CLHC1: variants seen among roughly 807,000 people sequenced by gnomAD.
CLHC1 encodes clathrin heavy chain linker domain containing 1, also known as clathrin heavy chain linker domain-containing protein 1.
In CLHC1, 72 loss-of-function variants were observed where a neutral mutation model predicts 69.5. The ratio of observed to expected loss-of-function variants is 1.04; its 90% CI spans 0.86 to 1.26. The LOEUF (loss-of-function observed/expected upper bound fraction) is 1.26. Ranked by LOEUF, CLHC1 falls within the 50% of genes most tolerant of loss-of-function variation. The pLI is 0.00. For missense variants in CLHC1, 790 were observed against 679.3 expected (o/e 1.16, Z -1.81); for synonymous variants, 223 against 224.3 (o/e 0.99, Z 0.05).
Position 55,222,252 on chromosome 2 carries a change from G to A in CLHC1, c.160C>T (p.Arg54Ter), listed in dbSNP as rs149934154. The A allele has an allele frequency of 8.7e-6, 14 of 1,611,572 alleles. No individual in the cohort carries two copies. Among genetic ancestry groups the A allele is most frequent in the Non-Finnish European group, 1.1e-5 (13 of 1,178,490 alleles). ...TATGATACCTTATCAAAAACATTTC[G>A]GTATATGATGTAATATTCATCAGCA... ...GPADEYYIIY[R>*]NVFDKVIEHI... Residue 54 changes from arginine to a stop codon, truncating the protein, a stop_gained, in exon 3 of 13, where the codon CGA (arginine) becomes TGA (stop). Transcript: ENST00000401408. LOFTEE classifies it high-confidence loss of function.
intron 9 of CLHC1, among the ~76,000 whole-genome samples, chr2:55,199,565 A>C (rs1671745108): frequency 6.6e-6 from 1 of 152,146 alleles, no homozygotes; most frequent in Non-Finnish European, 1.5e-5. Context: ...TAGAAACAAC[A>C]AAAAATTAAA....
intron 2 of CLHC1, chr2:55,224,672 C>A: frequency 4.3e-6 from 1 of 231,144 alleles, no homozygotes. Context: ...GCTGGCGGTC[C>A]AGGAGAAGCT....
At chr2:55,231,247 C>T (rs948927234) in intron 1 of CLHC1, among the ~76,000 whole-genome samples, 1 of 141,898 alleles carries the variant, frequency 7.0e-6, no homozygotes, top group African/African-American at 2.7e-5. Flanking sequence ...GAAATTCCGT[C>T]TCACGAAAAA....
intron 9 of CLHC1, among the ~76,000 whole-genome samples, chr2:55,205,203 T>C (rs755972504): frequency 6.6e-6 from 1 of 152,166 alleles, no homozygotes; most frequent in Non-Finnish European, 1.5e-5. Context: ...GAATACAGTA[T>C]GGAAATTTCT....
At chr2:55,217,552 A>AAATATATAT (rs1673677786) in intron 4 of CLHC1, among the ~76,000 whole-genome samples, 2 of 43,156 alleles carry the variant, frequency 4.6e-5, no homozygotes, top group Non-Finnish European at 7.3e-5. Context: ...AAAAAAAAAA[A>AAATATATAT]ATATATATAT....
At chr2:55,192,832 A>T (rs955162120) in intron 9 of CLHC1, among the ~76,000 whole-genome samples, 1 of 151,770 alleles carries the variant, frequency 6.6e-6, no homozygotes. Context: ...CCAAAAGTAG[A>T]TCATGTATCT....
rs958657196 is a variant in CLHC1 at position 55,174,041 on chromosome 2, G to T, written c.*1749C>A. On this transcript the variant is annotated 3_prime_UTR_variant, in exon 13 of 13. Transcript: ENST00000401408. ...AAAAAAAAAAAAAAGGTTTTAAGCC[G>T]TTGGCACACAAAGAACCAGTGCTGC... Among the ~76,000 whole-genome samples the T allele has an allele frequency of 6.8e-5, 10 of 147,088 alleles. No homozygotes were observed. The highest frequency in any genetic ancestry group is 2.5e-4 in the African/African-American group (10 of 39,850).
intron 7 of CLHC1, among the ~76,000 whole-genome samples, chr2:55,209,046 A>G (rs1034280356): frequency 6.7e-6 from 1 of 150,300 alleles, no homozygotes; most frequent in Non-Finnish European, 1.5e-5. Flanking sequence ...AATTTTTTGT[A>G]TTTTTTTTAG....
intron 9 of CLHC1, among the ~76,000 whole-genome samples, chr2:55,191,109 T>C (rs1405259967): frequency 6.6e-6 from 1 of 152,232 alleles, no homozygotes; most frequent in Admixed American, 6.5e-5. Flanking sequence ...TAGCATTCTA[T>C]ACCTAGTAAA....
At chr2:55,197,951 G>A (rs182498945) in intron 9 of CLHC1, among the ~76,000 whole-genome samples, 115 of 152,206 alleles carry the variant, frequency 7.6e-4, no homozygotes, top group African/African-American at 2.7e-3. Flanking sequence ...CAAAATTTAA[G>A]ATAACACAGA....
In CLHC1 at chr2:55,175,652, T is replaced by A; in HGVS notation, c.*138A>T. Reference sequence around the variant, plus strand: ...ATTTCAAAGACAAATCTAAATGTCATCATAACAAAAGTGTGATTTATTTCT... The same window carrying A: ...ATTTCAAAGACAAATCTAAATGTCAACATAACAAAAGTGTGATTTATTTCT... On this transcript the variant is annotated 3_prime_UTR_variant, in exon 13 of 13. Transcript: ENST00000401408. The A allele has an allele frequency of 1.7e-6, 1 of 596,298 alleles. No individual in the cohort carries two copies. Among genetic ancestry groups the A allele is most frequent in the Non-Finnish European group, 2.9e-6 (1 of 340,888 alleles). 36.9% of individuals were successfully genotyped at this position (596,298 alleles called of 1,614,324 possible). A position where few individuals can be genotyped will look rare whatever the true frequency, so the allele number is the denominator to read the frequency against.
At position 55,173,571 on chromosome 2, in the gene CLHC1, C is replaced by G. The variant is rs1262834559; in HGVS notation, c.*2219G>C. Among the ~76,000 whole-genome samples, 1 of 152,174 alleles carries G rather than the reference C, an allele frequency of 6.6e-6. No individual in the cohort carries two copies. Among genetic ancestry groups the G allele is most frequent in the Non-Finnish European group, 1.5e-5 (1 of 68,042 alleles). On this transcript the variant is annotated 3_prime_UTR_variant, in exon 13 of 13. Coordinates refer to ENST00000401408, the MANE Select transcript of CLHC1 (RefSeq NM_152385.4). The stretch of plus-strand genomic sequence containing the variant: ...ATGAGGAAAAGGACACATAGCTAGA[C>G]AGTGGTGGGGCTGGTCTAGAATGCA...
At chr2:55,213,254 C>G (rs1331321318) in intron 4 of CLHC1, among the ~76,000 whole-genome samples, 2 of 152,198 alleles carry the variant, frequency 1.3e-5, no homozygotes, top group African/African-American at 4.8e-5. Flanking sequence ...GTTGGCAGAG[C>G]CGTGCTTCCT....
At position 55,177,773 on chromosome 2, in the gene CLHC1, A is replaced by C. The variant is rs773720803; in HGVS notation, c.1393T>G (p.Leu465Val). Residue 465 changes from leucine (L) to valine (V), a missense_variant, in exon 12 of 13, where the codon TTG becomes GTG. Transcript: ENST00000401408. Reference protein sequence around the residue: ...QLKDFTTDDLLQLLMSCPQVE... With the variant: ...QLKDFTTDDLVQLLMSCPQVE... ...TGGGGACATGACATTAATAGCTGCA[A>C]CAGGTCATCTGAAGGCAAAAATGAA... 1 of 1,604,830 alleles carries C rather than the reference A, an allele frequency of 6.2e-7. No individual in the cohort carries two copies. Among genetic ancestry groups the C allele is most frequent in the East Asian group, 2.2e-5 (1 of 44,792 alleles).
chr2:55,205,917 T>C (rs145496480), intron 9 of CLHC1, among the ~76,000 whole-genome samples: 31 of 151,760 alleles, frequency 2.0e-4, no homozygotes, highest in Middle Eastern at 3.4e-3. Flanking sequence ...ACTTACCAAA[T>C]TGTGTACTTT....
At chr2:55,231,374 G>C (rs1675336399) in intron 1 of CLHC1, among the ~76,000 whole-genome samples, 1 of 152,198 alleles carries the variant, frequency 6.6e-6, no homozygotes, top group African/African-American at 2.4e-5. Flanking sequence ...AGAGTAATGG[G>C]TTTAGCAGAT....
intron 4 of CLHC1, among the ~76,000 whole-genome samples, chr2:55,216,937 C>T (rs1673576159): frequency 6.6e-6 from 1 of 152,128 alleles, no homozygotes; most frequent in African/African-American, 2.4e-5. Context: ...CGCTTGAGCT[C>T]ACAAGTTGGA....
At chr2:55,229,660 C>G (rs1675071516) in intron 1 of CLHC1, among the ~76,000 whole-genome samples, 1 of 152,234 alleles carries the variant, frequency 6.6e-6, no homozygotes, top group Non-Finnish European at 1.5e-5. Context: ...GTGGCCTCTA[C>G]TTGTTCCAGC....
intron 9 of CLHC1, among the ~76,000 whole-genome samples, chr2:55,203,384 G>C (rs912936148): frequency 8.5e-5 from 13 of 152,084 alleles, no homozygotes; most frequent in African/African-American, 3.1e-4. Context: ...CAAAACTGGA[G>C]GAATCACATT....
Sources: gnomAD v4.1 joint callset for allele counts (sites outside exome capture counted in the v4.1 genomes callset) on GRCh38, gnomAD v4.1.1 for gene constraint, MANE v1.5 for transcripts, NCBI Gene and HGNC (gene_info 2026-07-23, HGNC 2026-07-21) for gene names.